TNS1: variants seen among roughly 807,000 people sequenced by gnomAD.
TNS1 encodes tensin 1.
Under a neutral mutation model 168.6 loss-of-function variants are expected in TNS1, and 62 were observed. The observed-to-expected ratio is 0.37, with a 90% CI of 0.30 to 0.45. The LOEUF is 0.45. TNS1 is among the 20% of genes least tolerant of loss of function. The probability of loss-of-function intolerance (pLI) is 1.00; values close to 1 mark genes in which losing one functional copy is unlikely to be tolerated. For missense variants in TNS1, 2,240 were observed against 2,339.4 expected, an observed-to-expected ratio of 0.96 and a Z score of 0.88; for synonymous variants, 934 against 933.2, an observed-to-expected ratio of 1.00 and a Z score of -0.02.
At chr2:217,905,970 C>T (rs931340450) in intron 6 of TNS1, among the ~76,000 whole-genome samples, 1 of 152,200 alleles carries the variant, frequency 6.6e-6, no homozygotes, top group Admixed American at 6.5e-5. Flanking sequence ...AGGACTAAGA[C>T]CCCCCGCCAA....
At chr2:217,961,694 C>G (rs568153762) in intron 3 of TNS1, among the ~76,000 whole-genome samples, 7 of 152,160 alleles carry the variant, frequency 4.6e-5, no homozygotes. Flanking sequence ...CCGGTGGGAC[C>G]CCCCCATTCT....
rs376418427 is a variant in TNS1 at position 217,818,352 on chromosome 2, G to C, written c.3980C>G (p.Thr1327Ser). ...SHHQMMGPPG[T>S]GFHGSTVSSP... ...GGAGACAGTGCTACCATGGAAGCCAGTGCCTGGTGGACCCATCATCTGGTG... is the reference window on the plus strand; with the variant it reads ...GGAGACAGTGCTACCATGGAAGCCACTGCCTGGTGGACCCATCATCTGGTG... The change falls in exon 24 of 33, where the codon ACT (threonine) becomes AGT (serine). Residue 1327 changes from threonine (T) to serine (S), a missense_variant. Physicochemically the swap from Thr to Ser is moderately conservative, Grantham distance 58. This residue lies in a region of TNS1 where 2,131 missense variants were observed against 2,171.2 expected (regional missense o/e 0.98). Transcript: ENST00000682258. The C allele has an allele frequency of 1.1e-5, 18 of 1,614,180 alleles. No individual in the cohort carries two copies. In the South Asian group the frequency reaches 1.5e-4, roughly 14 times the overall value.
rs944449852 is a variant in TNS1, at chr2:217,912,445, G to A, written c.229-5194C>T. Among the ~76,000 whole-genome samples, 8 of 127,278 alleles carry A rather than the reference G, an allele frequency of 6.3e-5. No homozygotes were observed. The East Asian group carries it at 1.6e-3, about 25-fold the overall frequency. The allele number at this position is 127,278 out of a possible 152,430, so 83.5% of individuals were successfully genotyped here. On this transcript the variant is annotated intron_variant, in intron 4 of 32. Coordinates refer to ENST00000682258, the MANE Select transcript of TNS1 (RefSeq NM_001387777.1). Reference sequence around the variant, plus strand: ...CCCTGGGAGGCCTGGAATCTGGGGGGCTTGGGGGCCAAAAAGACCACCCCA... The same window carrying A: ...CCCTGGGAGGCCTGGAATCTGGGGGACTTGGGGGCCAAAAAGACCACCCCA...
chr2:217,906,282 C>CAAA, intron 6 of TNS1, 53 bp downstream of exon 6: 1 of 473,894 alleles, frequency 2.1e-6, no homozygotes, highest in Non-Finnish European at 4.0e-6. Flanking sequence ...CCACCCCATT[C>CAAA]CCCCTGGCCA....
intron 6 of TNS1, chr2:217,903,580 A>G (rs201891624): frequency 9.2e-5 from 141 of 1,535,040 alleles, no homozygotes; most frequent in Non-Finnish European, 1.2e-4. Flanking sequence ...CTAAACACCA[A>G]ACAGAACTCT....
intron 19 of TNS1, among the ~76,000 whole-genome samples, chr2:217,837,803 CCAT>C (rs1945372437): frequency 6.6e-6 from 1 of 152,192 alleles, no homozygotes; most frequent in Non-Finnish European, 1.5e-5. Flanking sequence ...AATAGGAGTC[CCAT>C]TAGACCCAGC....
intron 1 of TNS1, among the ~76,000 whole-genome samples, chr2:218,016,681 A>G (rs1223874068): frequency 6.6e-6 from 1 of 152,234 alleles, no homozygotes; most frequent in Admixed American, 6.5e-5. Context: ...CCCAAGACTC[A>G]GATGAGGACA....
chr2:217,991,280 CTGGAGAG>C (rs569438540), intron 1 of TNS1, among the ~76,000 whole-genome samples: 190 of 152,248 alleles, frequency 1.2e-3, no homozygotes, highest in Middle Eastern at 6.8e-3. Context: ...CAGACGGCAG[CTGGAGAG>C]TCCAGCTCCA....
At chr2:217,875,440 A>G (rs553527763) in intron 18 of TNS1, among the ~76,000 whole-genome samples, 53 of 152,278 alleles carry the variant, frequency 3.5e-4, no homozygotes, top group African/African-American at 1.3e-3. Flanking sequence ...AGCTCAAAGA[A>G]ATGGAAAGAA....
chr2:218,022,833 G>T (rs991692888), intron 1 of TNS1, among the ~76,000 whole-genome samples: 2 of 152,008 alleles, frequency 1.3e-5, no homozygotes, highest in African/African-American at 4.8e-5. Context: ...ATCTGTCAGG[G>T]GTGGGGAGAA....
chr2:217,837,870 G>A (rs1945382283), intron 19 of TNS1, among the ~76,000 whole-genome samples: 1 of 152,258 alleles, frequency 6.6e-6, no homozygotes, highest in Non-Finnish European at 1.5e-5. Flanking sequence ...GTTTTGGGAA[G>A]GGTGGGCAGC....
At chr2:217,809,376 CATGG>C (rs1438266544) in intron 30 of TNS1, among the ~76,000 whole-genome samples, 1 of 11,870 alleles carries the variant, frequency 8.4e-5, no homozygotes, top group Non-Finnish European at 1.5e-4. Context: ...TGGATGGATG[CATGG>C]ATGGATGGAT....
Position 217,818,438 on chromosome 2 carries a change from G to C in TNS1, c.3894C>G (p.Gly1298=), listed in dbSNP as rs1358072462. Residue 1298 remains glycine (G), a synonymous_variant, in exon 24 of 33, where the codon GGC becomes GGG. Coordinates refer to ENST00000682258, the MANE Select transcript of TNS1 (RefSeq NM_001387777.1). ...TGGGATTGATGGCCCGCCAGCCGAA[G>C]CCAGGACTAGGGGGAGTGTTGGTGC... is the stretch of plus-strand genomic sequence containing the variant. ...TVGTNTPPSP[G]FGWRAINPSM... 1 of 1,614,096 alleles carries C rather than the reference G, an allele frequency of 6.2e-7. No homozygotes were observed. Among genetic ancestry groups the C allele is most frequent in the East Asian group, 2.2e-5 (1 of 44,884 alleles).
chr2:217,956,132 T>C (rs536896506), intron 3 of TNS1, among the ~76,000 whole-genome samples: 7 of 152,066 alleles, frequency 4.6e-5, no homozygotes, highest in African/African-American at 1.7e-4. Context: ...GATGGGGTCT[T>C]TGAATTTTGT....
At chr2:217,805,597 ACACAC>A (rs2125042460) in intron 32 of TNS1, among the ~76,000 whole-genome samples, 2 of 72,872 alleles carry the variant, frequency 2.7e-5, no homozygotes, top group South Asian at 5.3e-4. Flanking sequence ...ACACACCACC[ACACAC>A]CACACACACC....
intron 14 of TNS1, 63 bp downstream of exon 14, chr2:217,885,981 T>C: frequency 6.3e-7 from 1 of 1,594,250 alleles, no homozygotes; most frequent in Non-Finnish European, 8.6e-7. Context: ...CCCAACCTTC[T>C]GACCTGGTCC....
chr2:217,833,253 G>T (rs1944704635), intron 21 of TNS1, among the ~76,000 whole-genome samples: 1 of 152,212 alleles, frequency 6.6e-6, no homozygotes, highest in Admixed American at 6.5e-5. Flanking sequence ...CTCTCTCTTG[G>T]TTCCTCCCTT....
At chr2:217,930,282 C>T (rs1455681895) in intron 3 of TNS1, among the ~76,000 whole-genome samples, 4 of 152,244 alleles carry the variant, frequency 2.6e-5, no homozygotes, top group Non-Finnish European at 5.9e-5. Context: ...CAAGTTCTGC[C>T]GCGGCTGTGT....
At chr2:217,963,889 C>CAAAAAA (rs58953604) in intron 3 of TNS1, among the ~76,000 whole-genome samples, 3,362 of 126,256 alleles carry the variant, frequency 0.027, 142 homozygotes, top group African/African-American at 0.096. Flanking sequence ...ACTAAAAATA[C>CAAAAAA]AAAAAAAAAA....
Sources: gnomAD v4.1 joint callset for allele counts (sites outside exome capture counted in the v4.1 genomes callset) on GRCh38, gnomAD v4.1.1 for gene constraint, gnomAD v4.1.1 regional missense constraint, MANE v1.5 for transcripts, NCBI Gene and HGNC (gene_info 2026-07-23, HGNC 2026-07-21) for gene names.